Variants in ARHGEF3 observed in about 807,000 individuals in gnomAD.
The protein encoded by ARHGEF3 is 59.8 kDA protein.
ARHGEF3 carries 28 observed loss-of-function variants against 63.2 expected under a neutral mutation model. The ratio of observed to expected loss-of-function variants is 0.44; its 90% CI spans 0.33 to 0.61. The LOEUF (loss-of-function observed/expected upper bound fraction) is 0.61. Among genes scored for constraint, ARHGEF3 ranks in the 20% least tolerant of loss-of-function variants. The pLI, the probability that ARHGEF3 is intolerant of heterozygous loss-of-function variation, is 0.03. For missense variants in ARHGEF3, 533 were observed against 659.3 expected (o/e 0.81, Z 2.10); for synonymous variants, 266 against 254.2 (o/e 1.05, Z -0.44).
In ARHGEF3 at chr3:56,837,483, A is replaced by G. The variant is rs374592236; in HGVS notation, c.192+44809T>C. 5.3e-5 allele frequency among the ~76,000 whole-genome samples: 8 copies of G among 152,346 alleles called. No individual in the cohort carries two copies. The East Asian group carries it at 1.5e-3, about 29-fold the overall frequency. On this transcript the variant is annotated intron_variant, in intron 4 of 12. Coordinates refer to the ARHGEF3 transcript ENST00000338458. ...AAGAAGCTCTGCCTGACAGTCCATC[A>G]GGCAGAAAACATGAGGATAAAAGAT... is the stretch of plus-strand genomic sequence containing the variant.
At position 56,935,448 on chromosome 3, in the gene ARHGEF3, G is replaced by C. The variant is rs150731489; in HGVS notation, c.129+23375C>G. ...CGCTGGGGTCCCCTTCCACAGTGTG[G>C]AAGCTTTGTTCTTTCGCTCTTTGCA... On this transcript the variant is annotated intron_variant, in intron 3 of 12. Coordinates refer to the ARHGEF3 transcript ENST00000338458. Among the ~76,000 whole-genome samples, 88 of 152,288 alleles carry C rather than the reference G, an allele frequency of 5.8e-4. No homozygotes were observed. The East Asian group carries it at 0.016, about 27-fold the overall frequency.
intron 1 of ARHGEF3, among the ~76,000 whole-genome samples, chr3:57,067,476 A>AATAATAATAATG (rs1705615174): frequency 1.4e-5 from 2 of 147,976 alleles, no homozygotes; most frequent in Admixed American, 1.4e-4. Flanking sequence ...TAATAATAAT[A>AATAATAATAATG]ATAATAATAA....
intron 3 of ARHGEF3, among the ~76,000 whole-genome samples, chr3:56,754,731 A>G (rs1220166932): frequency 6.6e-6 from 1 of 152,228 alleles, no homozygotes; most frequent in Non-Finnish European, 1.5e-5. Context: ...AGAATCCTAA[A>G]TAGACACTTG....
chr3:56,926,856 G>A (rs2042288713), intron 3 of ARHGEF3, among the ~76,000 whole-genome samples: 1 of 144,442 alleles, frequency 6.9e-6, no homozygotes. Context: ...TGGGTTGGAT[G>A]AATACCCCGG....
At chr3:56,787,417 C>T (rs1398671418) in intron 1 of ARHGEF3, among the ~76,000 whole-genome samples, 1 of 152,144 alleles carries the variant, frequency 6.6e-6, no homozygotes, top group African/African-American at 2.4e-5. Context: ...CATCCTACTA[C>T]ACCTGACGCA....
At chr3:56,747,434 C>G (rs180924910) in intron 6 of ARHGEF3, among the ~76,000 whole-genome samples, 1 of 152,098 alleles carries the variant, frequency 6.6e-6, no homozygotes, top group Admixed American at 6.6e-5. Flanking sequence ...GTTCAGTCAC[C>G]GGCTAGGAGA....
intron 3 of ARHGEF3, among the ~76,000 whole-genome samples, chr3:56,908,466 G>A (rs1429805296): frequency 1.3e-5 from 2 of 152,218 alleles, no homozygotes; most frequent in Non-Finnish European, 2.9e-5. Context: ...AGAGAAAGAG[G>A]TGAGGTGACA....
intron 1 of ARHGEF3, among the ~76,000 whole-genome samples, chr3:56,780,842 T>C (rs922449222): frequency 6.6e-6 from 1 of 152,238 alleles, no homozygotes; most frequent in Non-Finnish European, 1.5e-5. Flanking sequence ...TGTTGCTAAG[T>C]CTTATTACTG....
At chr3:56,828,898 G>C (rs2038831010) in intron 4 of ARHGEF3, among the ~76,000 whole-genome samples, 1 of 151,976 alleles carries the variant, frequency 6.6e-6, no homozygotes, top group South Asian at 2.1e-4. Context: ...TGTTTCTCTG[G>C]GACATTTATT....
At chr3:56,880,633 G>A (rs2040735745) in intron 4 of ARHGEF3, among the ~76,000 whole-genome samples, 1 of 152,180 alleles carries the variant, frequency 6.6e-6, no homozygotes, top group Non-Finnish European at 1.5e-5. Context: ...TTTGCAAAGT[G>A]AGGGGACTGG....
intron 1 of ARHGEF3, among the ~76,000 whole-genome samples, chr3:57,037,392 G>T (rs1239672885): frequency 1.3e-5 from 2 of 152,170 alleles, no homozygotes; most frequent in African/African-American, 4.8e-5. Context: ...TGTAACTGCT[G>T]CAAGGGACTT....
chr3:56,805,313 C>A (rs2037822240), upstream of ARHGEF3, among the ~76,000 whole-genome samples: 2 of 152,160 alleles, frequency 1.3e-5, no homozygotes, highest in Non-Finnish European at 2.9e-5. Context: ...TGGCTCACTG[C>A]AGCCTCAACC....
intron 2 of ARHGEF3, among the ~76,000 whole-genome samples, chr3:56,968,058 TA>T (rs1700678715): frequency 4.3e-5 from 1 of 23,136 alleles, no homozygotes; most frequent in Non-Finnish European, 8.2e-5. Flanking sequence ...ATATAATATA[TA>T]TAATATATAT....
chr3:56,732,447 C>A (rs768245979), intron 8 of ARHGEF3, 23 bp from the exon 9 acceptor site: 3 of 1,613,106 alleles, frequency 1.9e-6, no homozygotes, highest in Non-Finnish European at 1.7e-6. Context: ...AATCCACAAG[C>A]TTTCATTAAG....
chr3:56,994,217 G>A (rs1579044031), intron 2 of ARHGEF3, among the ~76,000 whole-genome samples: 2 of 151,618 alleles, frequency 1.3e-5, no homozygotes, highest in South Asian at 2.1e-4. Flanking sequence ...CATGAAACTT[G>A]GGCAAAATTT....
intron 3 of ARHGEF3, among the ~76,000 whole-genome samples, chr3:56,885,257 G>GT (rs1221532669): frequency 6.6e-6 from 1 of 152,166 alleles, no homozygotes; most frequent in Non-Finnish European, 1.5e-5. Context: ...ATCTTGGGAG[G>GT]TATCAGGAGG....
At chr3:56,786,985 A>T (rs2036853123) in intron 1 of ARHGEF3, among the ~76,000 whole-genome samples, 1 of 152,144 alleles carries the variant, frequency 6.6e-6, no homozygotes, top group Non-Finnish European at 1.5e-5. Flanking sequence ...AGACAAGGAC[A>T]TTCTGGTGGT....
chr3:56,844,752 T>C (rs977987343), intron 4 of ARHGEF3, among the ~76,000 whole-genome samples: 1 of 152,146 alleles, frequency 6.6e-6, no homozygotes, highest in Non-Finnish European at 1.5e-5. Flanking sequence ...ACAACCCCAA[T>C]GTTTTCTGGG....
intron 3 of ARHGEF3, among the ~76,000 whole-genome samples, chr3:56,937,925 G>C (rs1166320905): frequency 1.3e-5 from 2 of 152,152 alleles, no homozygotes; most frequent in African/African-American, 4.8e-5. Flanking sequence ...ATTTTCATCT[G>C]TCCATAAAAA....
Sources: gnomAD v4.1 joint callset for allele counts (sites outside exome capture counted in the v4.1 genomes callset) on GRCh38, gnomAD v4.1.1 for gene constraint, MANE v1.5 for transcripts, NCBI Gene and HGNC (gene_info 2026-07-23, HGNC 2026-07-21) for gene names.